The following RBM20 variants were observed in gnomAD, a reference collection of about 807,000 sequenced individuals.
RBM20 encodes RNA-binding protein 20.
Under a neutral mutation model 110.1 loss-of-function variants are expected in RBM20, and 51 were observed. That is an observed-to-expected ratio of 0.46 (90% CI 0.37 to 0.59). The LOEUF (loss-of-function observed/expected upper bound fraction) is 0.59. Among genes scored for constraint, RBM20 ranks in the 20% least tolerant of loss-of-function variants. The probability of loss-of-function intolerance (pLI) is 0.00; values close to 1 mark genes in which losing one functional copy is unlikely to be tolerated. For synonymous variants in RBM20, 589 were observed against 618.2 expected, an observed-to-expected ratio of 0.95 and a Z score of 0.70; for missense variants, 1,512 against 1,574.9, an observed-to-expected ratio of 0.96 and a Z score of 0.68.
intron 1 of RBM20, among the ~76,000 whole-genome samples, chr10:110,774,474 TCTTCTC>T (rs889106649): frequency 1.3e-5 from 2 of 152,044 alleles, no homozygotes; most frequent in Non-Finnish European, 2.9e-5. Context: ...TGTGGCCTCA[TCTTCTC>T]CTTGCAAAGA....
chr10:110,665,446 G>T (rs1862162544), intron 1 of RBM20, among the ~76,000 whole-genome samples: 1 of 152,078 alleles, frequency 6.6e-6, no homozygotes, highest in African/African-American at 2.4e-5. Flanking sequence ...AATGATATCG[G>T]GCAGATGAAT....
chr10:110,762,550 T>C (rs1844019423), intron 1 of RBM20, among the ~76,000 whole-genome samples: 1 of 152,238 alleles, frequency 6.6e-6, no homozygotes, highest in Admixed American at 6.5e-5. Context: ...GGGTTCCTTT[T>C]ATTTCAATAA....
intron 5 of RBM20, among the ~76,000 whole-genome samples, chr10:110,785,718 T>C (rs1844411084): frequency 6.6e-6 from 1 of 152,142 alleles, no homozygotes; most frequent in Non-Finnish European, 1.5e-5. Context: ...CCAGTTCATC[T>C]AGTATTGAAA....
intron 1 of RBM20, among the ~76,000 whole-genome samples, chr10:110,764,611 G>A (rs944427558): frequency 5.9e-5 from 9 of 152,166 alleles, no homozygotes; most frequent in African/African-American, 1.2e-4. Context: ...TTTCTCTTTC[G>A]CTCCCTCCCT....
chr10:110,774,216 G>C (rs1844231835), intron 1 of RBM20, among the ~76,000 whole-genome samples: 1 of 152,152 alleles, frequency 6.6e-6, no homozygotes, highest in African/African-American at 2.4e-5. Context: ...CTAATGAAGT[G>C]AGAACACTCA....
chr10:110,743,594 T>C (rs1054689873), intron 1 of RBM20, among the ~76,000 whole-genome samples: 2 of 151,940 alleles, frequency 1.3e-5, no homozygotes, highest in African/African-American at 4.8e-5. Context: ...CATGCATGCA[T>C]GCAATACCCA....
intron 7 of RBM20, among the ~76,000 whole-genome samples, chr10:110,801,213 G>A (rs1844618357): frequency 6.6e-6 from 1 of 152,090 alleles, no homozygotes; most frequent in Non-Finnish European, 1.5e-5. Flanking sequence ...TGGATCACGA[G>A]GTCAGGGGTT....
chr10:110,740,826 A>G (rs1564831400), intron 1 of RBM20, among the ~76,000 whole-genome samples: 1 of 152,180 alleles, frequency 6.6e-6, no homozygotes, highest in Non-Finnish European at 1.5e-5. Context: ...ATGGACGTCC[A>G]TGTTAACTCT....
intron 1 of RBM20, among the ~76,000 whole-genome samples, chr10:110,745,897 C>T (rs943418594): frequency 1.3e-5 from 2 of 152,116 alleles, no homozygotes; most frequent in Admixed American, 6.5e-5. Context: ...AATAATAAAC[C>T]TTAAGCTTGT....
intron 1 of RBM20, among the ~76,000 whole-genome samples, chr10:110,687,042 G>GAAAAAAAAAAAAAAAAAAAAA (rs566369908): frequency 8.7e-6 from 1 of 114,978 alleles, no homozygotes; most frequent in Non-Finnish European, 1.9e-5. Context: ...GTCTCAAAAA[G>GAAAAAAAAAAAAAAAAAAAAA]AAAAAAAAAA....
chr10:110,714,223 G>A (rs1169077138), intron 1 of RBM20, among the ~76,000 whole-genome samples: 4 of 152,314 alleles, frequency 2.6e-5, no homozygotes, highest in African/African-American at 7.2e-5. Flanking sequence ...CCTGACTCAA[G>A]AGCCTCATGA....
At chr10:110,661,718 T>C (rs1412247954) in intron 1 of RBM20, among the ~76,000 whole-genome samples, 1 of 151,980 alleles carries the variant, frequency 6.6e-6, no homozygotes, top group Admixed American at 6.6e-5. Flanking sequence ...TGAGAGATGT[T>C]GAAAGTAGGG....
At chr10:110,803,929 C>T (rs1281869173) in intron 7 of RBM20, among the ~76,000 whole-genome samples, 2 of 150,522 alleles carry the variant, frequency 1.3e-5, no homozygotes, top group Admixed American at 1.3e-4. Flanking sequence ...CTCATTAGGA[C>T]TTGGTTTCTC....
Position 110,750,391 on chromosome 10 carries a change from A to G in RBM20, c.192-30410A>G, listed in dbSNP as rs555790279. ...TCAGGGGCTGTGTGCTCTGGAAAAC[A>G]AGAGGGTTGGACTGATTACTAGCTT... On this transcript the variant is annotated intron_variant, in intron 1 of 13. Transcript: ENST00000369519. Among the ~76,000 whole-genome samples, 4 of 152,170 alleles carry G rather than the reference A, an allele frequency of 2.6e-5. No individual in the cohort carries two copies. The East Asian group carries it at 7.7e-4, about 29-fold the overall frequency.
At position 110,821,421 on chromosome 10, in the gene RBM20, C is replaced by T; in HGVS notation, c.2802C>T (p.Pro934=). ...TCCCAGAGCTGGAAGAAATTGTGCC[C>T]ATTGACCAGAAAGACAAAATTTGCC... The part of the protein sequence containing the change: ...PDIPELEEIV[P]IDQKDKICPE... The change falls in exon 11 of 14, where the codon CCC becomes CCT. Residue 934 remains proline (P), a synonymous_variant. Coordinates refer to ENST00000369519, the MANE Select transcript of RBM20 (RefSeq NM_001134363.3). 1.3e-6 allele frequency: 2 copies of T among 1,551,754 alleles called. No individual in the cohort carries two copies. Among genetic ancestry groups the T allele is most frequent in the South Asian group, 1.2e-5 (1 of 84,058 alleles).
chr10:110,752,037 T>A (rs1188214678), intron 1 of RBM20, among the ~76,000 whole-genome samples: 1 of 152,116 alleles, frequency 6.6e-6, no homozygotes, highest in Non-Finnish European at 1.5e-5. Flanking sequence ...GACCCTACAT[T>A]GACTCATCAT....
chr10:110,777,996 A>T (rs2135035376), intron 1 of RBM20, among the ~76,000 whole-genome samples: 1 of 152,344 alleles, frequency 6.6e-6, no homozygotes, highest in South Asian at 2.1e-4. Context: ...ACACAAGTCA[A>T]AATCTATCAT....
chr10:110,809,012 CA>C (rs1844729853), intron 7 of RBM20, among the ~76,000 whole-genome samples: 1 of 151,858 alleles, frequency 6.6e-6, no homozygotes, highest in Non-Finnish European at 1.5e-5. Context: ...CCCGGGCGTT[CA>C]AGACCAGCCC....
rs1278629921 is a variant in RBM20, at chr10:110,838,220, A to G, written c.*2242A>G. On this transcript the variant is annotated 3_prime_UTR_variant, in exon 14 of 14. Coordinates refer to ENST00000369519, the MANE Select transcript of RBM20 (RefSeq NM_001134363.3). ...AACACTCATTCTATTTTATAGAATG[A>G]CATGTTGCCCAATTCTAGAATCAAA... The G allele has an allele frequency of 1.3e-5, 2 of 152,232 alleles. No homozygotes were observed. The highest frequency in any genetic ancestry group is 6.5e-5 in the Admixed American group (1 of 15,284). The allele number at this position is 152,232 out of a possible 1,614,324, so 9.4% of individuals were successfully genotyped here.
Sources: gnomAD v4.1 joint callset for allele counts (sites outside exome capture counted in the v4.1 genomes callset) on GRCh38, gnomAD v4.1.1 for gene constraint, MANE v1.5 for transcripts, NCBI Gene and HGNC (gene_info 2026-07-23, HGNC 2026-07-21) for gene names.